Variants in PTPRN2 observed in about 807,000 individuals in gnomAD.
PTPRN2 encodes the protein protein tyrosine phosphatase receptor type N2, also known as receptor-type tyrosine-protein phosphatase N2.
A neutral mutation model predicts 118.8 loss-of-function variants in PTPRN2; 74 were observed. The ratio of observed to expected loss-of-function variants is 0.62; its 90% confidence interval spans 0.52 to 0.76. PTPRN2 has a LOEUF of 0.76. Among genes scored for constraint, PTPRN2 ranks in the 30% least tolerant of loss-of-function variants. The pLI, the probability that PTPRN2 is intolerant of heterozygous loss-of-function variation, is 0.00. For synonymous variants in PTPRN2, 641 were observed against 608.0 expected (o/e 1.05, Z -0.80); for missense variants, 1,481 against 1,394.4 (o/e 1.06, Z -0.99).
At chr7:158,312,963 T>C (rs564597616) in intron 3 of PTPRN2, among the ~76,000 whole-genome samples, 3 of 151,600 alleles carry the variant, frequency 2.0e-5, no homozygotes, top group Non-Finnish European at 4.4e-5. Context: ...TGTGCGTGTG[T>C]GCATGTCTAC....
At chr7:157,875,259 T>C (rs954276066) in intron 12 of PTPRN2, among the ~76,000 whole-genome samples, 1 of 152,182 alleles carries the variant, frequency 6.6e-6, no homozygotes, top group East Asian at 1.9e-4. Flanking sequence ...GTCCTGGAAG[T>C]CTCCTGGGGG....
Position 157,617,504 on chromosome 7 carries a change from C to G in PTPRN2, c.2344+3858G>C, listed in dbSNP as rs567568919. 1 of 151,400 alleles carries G rather than the reference C, an allele frequency of 6.6e-6. No individual in the cohort carries two copies. The highest frequency in any genetic ancestry group is 2.1e-4 in the South Asian group (1 of 4,792). The allele number at this position is 151,400 out of a possible 1,614,324, so 9.4% of individuals were successfully genotyped here. Reference sequence around the variant, plus strand: ...CCCCAGTGATGCTGTGGTTAGGACGCTGTTCACGCAGCTGCAGCGCAGAGC... The same window carrying G: ...CCCCAGTGATGCTGTGGTTAGGACGGTGTTCACGCAGCTGCAGCGCAGAGC... On this transcript the variant is annotated intron_variant, in intron 15 of 22. Coordinates refer to ENST00000389418, the MANE Select transcript of PTPRN2 (RefSeq NM_002847.5). This position sits in a 1 kb window ranked among gnomAD's most constrained non-coding sequence, Gnocchi z 7.5.
intron 11 of PTPRN2, among the ~76,000 whole-genome samples, chr7:158,051,706 T>A (rs1809339069): frequency 6.6e-6 from 1 of 152,034 alleles, no homozygotes; most frequent in Admixed American, 6.6e-5. Context: ...GTTCACTTCA[T>A]TTTTTTTAGA....
At chr7:158,205,505 C>T (rs1400773399) in intron 3 of PTPRN2, among the ~76,000 whole-genome samples, 1 of 152,148 alleles carries the variant, frequency 6.6e-6, no homozygotes, top group Non-Finnish European at 1.5e-5. Context: ...AATAAAAAGG[C>T]TTGGGTGAGA....
At chr7:158,047,105 C>T (rs1374260973) in intron 11 of PTPRN2, among the ~76,000 whole-genome samples, 1 of 152,228 alleles carries the variant, frequency 6.6e-6, no homozygotes, top group East Asian at 1.9e-4. Flanking sequence ...CTCTCTCATG[C>T]AAACTCATCT....
intron 1 of PTPRN2, among the ~76,000 whole-genome samples, chr7:158,514,284 T>C (rs1399294588): frequency 6.6e-6 from 1 of 152,056 alleles, no homozygotes. Flanking sequence ...CGTTTATCAA[T>C]GAGGAGGGAT....
chr7:158,170,336 G>C (rs1229277918), intron 5 of PTPRN2, among the ~76,000 whole-genome samples: 1 of 152,252 alleles, frequency 6.6e-6, no homozygotes, highest in Non-Finnish European at 1.5e-5. Flanking sequence ...TTATGTGCCT[G>C]CAAGTGGCTT....
At chr7:157,692,778 C>T (rs1797572316) in intron 12 of PTPRN2, among the ~76,000 whole-genome samples, 1 of 152,044 alleles carries the variant, frequency 6.6e-6, no homozygotes, top group Admixed American at 6.5e-5. Flanking sequence ...TAGGCGGGGA[C>T]GGGGTACATC....
intron 2 of PTPRN2, among the ~76,000 whole-genome samples, chr7:158,384,998 C>T (rs1811226609): frequency 1.3e-5 from 2 of 152,014 alleles, no homozygotes; most frequent in African/African-American, 4.8e-5. Flanking sequence ...GTGTGACTTC[C>T]GCCCTCACCG....
chr7:158,152,730 GCA>G (rs1417210131), intron 6 of PTPRN2, among the ~76,000 whole-genome samples: 1 of 152,204 alleles, frequency 6.6e-6, no homozygotes, highest in Admixed American at 6.5e-5. Context: ...ACCCTGGCAG[GCA>G]CACACACAAG....
chr7:157,778,985 G>C (rs1803512227), intron 12 of PTPRN2, among the ~76,000 whole-genome samples: 1 of 152,222 alleles, frequency 6.6e-6, no homozygotes, highest in Admixed American at 6.5e-5. Flanking sequence ...GCTTTATGCT[G>C]GAAACGGGCC....
intron 12 of PTPRN2, among the ~76,000 whole-genome samples, chr7:157,798,855 G>A (rs992082752): frequency 6.6e-6 from 1 of 152,082 alleles, no homozygotes; most frequent in Admixed American, 6.5e-5. Flanking sequence ...GCGTCCCACC[G>A]GCTCCTCAGG....
chr7:157,964,334 C>CT lies in PTPRN2; in HGVS notation c.1724-65598_1724-65597insA, dbSNP rs1049769553. Among the ~76,000 whole-genome samples, 6 of 152,044 alleles carry CT rather than the reference C, an allele frequency of 3.9e-5. No homozygotes were observed. The highest frequency in any genetic ancestry group is 5.9e-5 in the Non-Finnish European group (4 of 68,000). On this transcript the variant is annotated intron_variant, in intron 11 of 22. Transcript: ENST00000389418. This position sits in a 1 kb window ranked among gnomAD's most constrained non-coding sequence, Gnocchi z 9.0. ...TAGAGATGTGGAAGCTGGACCCCAC[C>CT]CCCCAGGCTAATTCATCAGCAAGAT...
chr7:157,675,380 C>G (rs1796616981), intron 13 of PTPRN2, among the ~76,000 whole-genome samples: 2 of 152,202 alleles, frequency 1.3e-5, no homozygotes, highest in Non-Finnish European at 2.9e-5. Context: ...GACCTTACCC[C>G]CCAGGGCCCC....
intron 12 of PTPRN2, among the ~76,000 whole-genome samples, chr7:157,694,975 T>C (rs572676083): frequency 6.6e-6 from 1 of 152,230 alleles, no homozygotes; most frequent in East Asian, 1.9e-4. Flanking sequence ...AAAAATATAA[T>C]ATATGTAAAA....
rs1055427155 is a variant in PTPRN2 at position 158,563,219 on chromosome 7, G to A, written c.112+24339C>T. On this transcript the variant is annotated intron_variant, in intron 1 of 22. Transcript: ENST00000389418. The surrounding 1 kb of genome is among the most constrained non-coding windows in gnomAD (Gnocchi z 5.1). ...AGGCAGGACCACAAGTTTGCAGCTC[G>A]AGACCTTGTCCAGGGTCCTAAAATG... Among the ~76,000 whole-genome samples the A allele has an allele frequency of 6.6e-6, 1 of 152,146 alleles. No individual in the cohort carries two copies.
chr7:157,666,461 C>G (rs1460591816), intron 13 of PTPRN2, among the ~76,000 whole-genome samples: 1 of 151,510 alleles, frequency 6.6e-6, no homozygotes, highest in Non-Finnish European at 1.5e-5. Flanking sequence ...TAATGTGCCT[C>G]TATTCTTGAG....
intron 12 of PTPRN2, among the ~76,000 whole-genome samples, chr7:157,708,192 C>T (rs189800315): frequency 2.5e-4 from 38 of 152,310 alleles, no homozygotes; most frequent in African/African-American, 6.7e-4. Flanking sequence ...GATTCTGCCC[C>T]GTGCCGTGTG....
chr7:158,516,756 T>C (rs1823599388), intron 1 of PTPRN2, among the ~76,000 whole-genome samples: 1 of 151,110 alleles, frequency 6.6e-6, no homozygotes, highest in Non-Finnish European at 1.5e-5. Flanking sequence ...TTCTGCCTTT[T>C]GTTCCTGGTA....
Sources: allele counts gnomAD v4.1 joint callset (sites outside exome capture counted in the v4.1 genomes callset), GRCh38; gene constraint gnomAD v4.1.1; non-coding constraint Gnocchi (gnomAD v3.1); transcripts MANE v1.5; gene names NCBI Gene and HGNC (gene_info 2026-07-23, HGNC 2026-07-21).